Variants in PLEKHA2 observed in about 807,000 individuals in gnomAD.
The protein encoded by PLEKHA2 is pleckstrin homology domain-containing family A member 2.
PLEKHA2 carries 28 observed loss-of-function variants against 53.2 expected under a neutral mutation model. The observed-to-expected ratio is 0.53, with a 90% CI of 0.39 to 0.72. PLEKHA2 has a LOEUF of 0.72. PLEKHA2 is among the 30% of genes least tolerant of loss of function. PLEKHA2 has a pLI of 0.00. For missense variants in PLEKHA2, 426 were observed against 537.9 expected (o/e 0.79, Z 2.06); for synonymous variants, 193 against 196.4 (o/e 0.98, Z 0.14).
intron 2 of PLEKHA2, among the ~76,000 whole-genome samples, chr8:38,927,334 AAAAAT>A (rs1000370870): frequency 6.6e-6 from 1 of 152,078 alleles, no homozygotes; most frequent in Non-Finnish European, 1.5e-5. Context: ...CATCTCTACA[AAAAAT>A]AAAATAAAAT....
intron 5 of PLEKHA2, among the ~76,000 whole-genome samples, chr8:38,948,759 C>T (rs146121731): frequency 5.3e-5 from 8 of 152,274 alleles, no homozygotes; most frequent in Middle Eastern, 3.4e-3. Flanking sequence ...CTCGAAGTCC[C>T]GGTGACGTCC....
intron 5 of PLEKHA2, among the ~76,000 whole-genome samples, chr8:38,949,890 G>T (rs188561910): frequency 6.6e-6 from 1 of 152,288 alleles, no homozygotes; most frequent in African/African-American, 2.4e-5. Context: ...CAGGTGGTTC[G>T]TGAGAGGTGA....
chr8:38,916,731 T>C (rs1312435766), intron 1 of PLEKHA2, among the ~76,000 whole-genome samples: 1 of 152,228 alleles, frequency 6.6e-6, no homozygotes, highest in Non-Finnish European at 1.5e-5. Context: ...GCAACAAACA[T>C]AGGAGTGCAG....
At chr8:38,966,150 G>A (rs1835130309) in intron 10 of PLEKHA2, among the ~76,000 whole-genome samples, 1 of 152,126 alleles carries the variant, frequency 6.6e-6, no homozygotes, top group Non-Finnish European at 1.5e-5. Context: ...TTGCCCTCGT[G>A]CACCAGGACC....
rs533366046 is a variant in PLEKHA2, at chr8:38,940,985, C to T, written c.199-2804C>T. Among the ~76,000 whole-genome samples, 8 of 151,654 alleles carry T rather than the reference C, an allele frequency of 5.3e-5. No homozygotes were observed. The South Asian group carries it at 1.7e-3, about 32-fold the overall frequency. ...AGTAACTCATCCAATTTGTAACTGG[C>T]TCTAATTTCTGGGCAATCATCTTGC... On this transcript the variant is annotated intron_variant, in intron 3 of 11. Coordinates refer to ENST00000617275, the MANE Select transcript of PLEKHA2 (RefSeq NM_021623.2).
At chr8:38,926,138 A>G (rs894109746) in intron 2 of PLEKHA2, among the ~76,000 whole-genome samples, 2 of 152,192 alleles carry the variant, frequency 1.3e-5, no homozygotes, top group Admixed American at 1.3e-4. Context: ...ATCTTCAGCA[A>G]ATTGTTTGGG....
intron 4 of PLEKHA2, among the ~76,000 whole-genome samples, chr8:38,944,491 C>T (rs1335696786): frequency 2.1e-5 from 3 of 141,720 alleles, no homozygotes; most frequent in Admixed American, 7.0e-5. Flanking sequence ...CACTCTACTC[C>T]ACCTCAAAAA....
intron 10 of PLEKHA2, among the ~76,000 whole-genome samples, chr8:38,958,363 C>T (rs995683544): frequency 6.6e-6 from 1 of 152,040 alleles, no homozygotes; most frequent in Non-Finnish European, 1.5e-5. Flanking sequence ...AAAAAACTGA[C>T]AAGTAAGCAG....
At chr8:38,931,979 T>A (rs767959275) in intron 2 of PLEKHA2, among the ~76,000 whole-genome samples, 16 of 152,172 alleles carry the variant, frequency 1.1e-4, no homozygotes, top group South Asian at 2.1e-4. Context: ...GGCTTTTTTT[T>A]AAAATCTCTT....
rs1435318567 is a variant in PLEKHA2, at chr8:38,952,295, G to T, written c.616G>T (p.Val206Leu). The change falls in exon 7 of 12, where the codon GTG (valine) becomes TTG (leucine). Residue 206 changes from valine (V) to leucine (L), a missense_variant. Transcript: ENST00000617275. ...GPPLIKSGYCVKQGNVRKSWK... is the reference protein window; with the variant it reads ...GPPLIKSGYCLKQGNVRKSWK... Reference sequence around the variant, plus strand: ...TCCCCTCATTAAGAGTGGTTACTGCGTGAAGCAAGGGAATGTGGTGAGTGT... The same window carrying T: ...TCCCCTCATTAAGAGTGGTTACTGCTTGAAGCAAGGGAATGTGGTGAGTGT... 7.4e-6 allele frequency: 12 copies of T among 1,612,714 alleles called. 1 individual carries two copies. The highest frequency in any genetic ancestry group is 2.2e-5 in the South Asian group (2 of 90,618).
intron 3 of PLEKHA2, among the ~76,000 whole-genome samples, chr8:38,938,639 G>A (rs1027144971): frequency 1.3e-5 from 2 of 152,162 alleles, no homozygotes; most frequent in Admixed American, 6.5e-5. Flanking sequence ...GTCACTCTAC[G>A]GGGGACCTGT....
Position 38,967,597 on chromosome 8 carries a change from A to AT in PLEKHA2, c.838-988dup, listed in dbSNP as rs571482625. Among the ~76,000 whole-genome samples, 352 of 150,454 alleles carry AT rather than the reference A, an allele frequency of 2.3e-3. 2 individuals carry two copies. Among genetic ancestry groups the AT allele is most frequent in the Non-Finnish European group, 1.7e-3 (115 of 67,718 alleles). On this transcript the variant is annotated intron_variant, in intron 10 of 11. Coordinates refer to ENST00000617275, the MANE Select transcript of PLEKHA2 (RefSeq NM_021623.2). ...TCTCCAATGATTAGGGATAGTGAAC[A>AT]TTTTTTTCATATGCTTCTTGGCCAC...
intron 5 of PLEKHA2, among the ~76,000 whole-genome samples, chr8:38,949,495 A>G (rs933638916): frequency 2.0e-5 from 3 of 152,230 alleles, no homozygotes; most frequent in Non-Finnish European, 4.4e-5. Flanking sequence ...GATTTTAAAA[A>G]ATACTGCATG....
At chr8:38,909,397 G>A (rs1462938983) in intron 1 of PLEKHA2, among the ~76,000 whole-genome samples, 3 of 152,136 alleles carry the variant, frequency 2.0e-5, no homozygotes, top group African/African-American at 4.8e-5. Context: ...GGGTGTATAA[G>A]AATCCTAGGA....
At chr8:38,950,017 C>A (rs1171511139) in intron 5 of PLEKHA2, among the ~76,000 whole-genome samples, 1 of 152,152 alleles carries the variant, frequency 6.6e-6, no homozygotes, top group Non-Finnish European at 1.5e-5. Flanking sequence ...CTCCCAGCTT[C>A]ATGTTCCTGG....
intron 1 of PLEKHA2, among the ~76,000 whole-genome samples, chr8:38,902,225 G>GC (rs1029306470): frequency 7.3e-6 from 1 of 136,526 alleles, no homozygotes; most frequent in Non-Finnish European, 1.6e-5. Context: ...GGGTGTGGGG[G>GC]GGGGTGGTGG....
intron 10 of PLEKHA2, among the ~76,000 whole-genome samples, chr8:38,967,097 T>C (rs1835152505): frequency 6.6e-6 from 1 of 152,354 alleles, no homozygotes; most frequent in Non-Finnish European, 1.5e-5. Flanking sequence ...GTTTCATCTA[T>C]ATTTCTGCAA....
At chr8:38,920,348 G>T (rs1400187857) in intron 2 of PLEKHA2, among the ~76,000 whole-genome samples, 3 of 151,982 alleles carry the variant, frequency 2.0e-5, no homozygotes, top group African/African-American at 7.3e-5. Flanking sequence ...TAGAGACGGG[G>T]TTTCACTGTG....
chr8:38,921,639 G>T (rs1834196321), intron 2 of PLEKHA2, among the ~76,000 whole-genome samples: 1 of 152,244 alleles, frequency 6.6e-6, no homozygotes, highest in African/African-American at 2.4e-5. Context: ...CTGGCCCAGG[G>T]CAGGCTCTTA....
Sources: gnomAD v4.1 joint callset for allele counts (sites outside exome capture counted in the v4.1 genomes callset) on GRCh38, gnomAD v4.1.1 for gene constraint, MANE v1.5 for transcripts, NCBI Gene and HGNC (gene_info 2026-07-23, HGNC 2026-07-21) for gene names.